ACER3: variants seen among roughly 807,000 people sequenced by gnomAD.
ACER3 encodes alkCDase 3.
In ACER3, 16 loss-of-function variants were observed where a neutral mutation model predicts 48.9. The ratio of observed to expected loss-of-function variants is 0.33; its 90% CI spans 0.22 to 0.50. The LOEUF (loss-of-function observed/expected upper bound fraction) is 0.50. Ranked by LOEUF, ACER3 falls within the 20% of genes least tolerant of loss-of-function variation. The probability of loss-of-function intolerance (pLI) is 0.98; values close to 1 mark genes in which losing one functional copy is unlikely to be tolerated. For synonymous variants in ACER3, 109 were observed against 107.8 expected (o/e 1.01, Z -0.07); for missense variants, 227 against 326.0 (o/e 0.70, Z 2.34).
At chr11:77,005,959 TTA>T (rs1189084139) in intron 7 of ACER3, among the ~76,000 whole-genome samples, 2 of 102,420 alleles carry the variant, frequency 2.0e-5, no homozygotes, top group East Asian at 3.2e-4. Flanking sequence ...TATATGTATA[TTA>T]TATATATATA....
At chr11:76,876,229 A>C (rs1445423278) in intron 1 of ACER3, among the ~76,000 whole-genome samples, 1 of 150,520 alleles carries the variant, frequency 6.6e-6, no homozygotes, top group Non-Finnish European at 1.5e-5. Context: ...GTTAATCCCC[A>C]CCTCCATCTT....
intron 1 of ACER3, among the ~76,000 whole-genome samples, chr11:76,913,402 C>T (rs1590922704): frequency 6.6e-6 from 1 of 152,274 alleles, no homozygotes; most frequent in South Asian, 2.1e-4. Context: ...ACTTCCAACA[C>T]TATGTTGAAT....
intron 1 of ACER3, among the ~76,000 whole-genome samples, chr11:76,913,563 A>T (rs1032578698): frequency 1.3e-5 from 2 of 152,188 alleles, no homozygotes; most frequent in African/African-American, 4.8e-5. Context: ...TAATTTACAA[A>T]TGGAAGAACA....
At chr11:76,998,607 G>A (rs1177541852) in intron 6 of ACER3, 156 bp from the exon 7 acceptor site, 7 of 557,714 alleles carry the variant, frequency 1.3e-5, no homozygotes, top group Non-Finnish European at 2.1e-5. Flanking sequence ...GCATGATTTA[G>A]TGATTTAACA....
intron 1 of ACER3, among the ~76,000 whole-genome samples, chr11:76,878,309 T>C (rs1945436245): frequency 6.6e-6 from 1 of 151,972 alleles, no homozygotes; most frequent in African/African-American, 2.4e-5. Flanking sequence ...ACTTTTGCAA[T>C]GACCTAATAG....
chr11:76,934,749 C>T (rs551456325), intron 2 of ACER3, among the ~76,000 whole-genome samples: 14 of 142,178 alleles, frequency 9.8e-5, no homozygotes, highest in African/African-American at 3.8e-4. Context: ...AGAGGGAGAC[C>T]GTGGGGAGAC....
Position 77,015,011 on chromosome 11 carries a change from C to G in ACER3, c.498-5C>G, listed in dbSNP as rs782360953. 1.1e-5 allele frequency: 17 copies of G among 1,552,434 alleles called. No homozygotes were observed. The highest frequency in any genetic ancestry group is 7.9e-5 in the South Asian group (7 of 88,680). On this transcript the variant is annotated splice_polypyrimidine_tract_variant and splice_region_variant and intron_variant, in intron 7 of 10. Transcript: ENST00000532485. ...TATTTTGCTTTTCTGTTTTCCCCCC[C>G]ACAGGGTTTATCCATGGCTTAGAGG...
At chr11:76,994,203 C>T (rs1175044552) in intron 6 of ACER3, 2 of 453,046 alleles carry the variant, frequency 4.4e-6, no homozygotes, top group Non-Finnish European at 8.8e-6. Flanking sequence ...ACAATCTCGG[C>T]TCATTGGAAC....
rs553332312 is a variant in ACER3 at position 76,900,294 on chromosome 11, G to A, written c.104-26263G>A. Among the ~76,000 whole-genome samples, 398 of 152,304 alleles carry A rather than the reference G, an allele frequency of 2.6e-3. 2 individuals are homozygous for A. Among genetic ancestry groups the A allele is most frequent in the Middle Eastern group, 6.8e-3 (2 of 294 alleles). ...GAGGAGGGGCTGGTCCTGTCTCAGG[G>A]GTGGCAGAGGCAGAAGAGGTGGAGA... On this transcript the variant is annotated intron_variant, in intron 1 of 10. Coordinates refer to ENST00000532485, the MANE Select transcript of ACER3 (RefSeq NM_018367.7).
intron 3 of ACER3, among the ~76,000 whole-genome samples, chr11:76,967,605 G>A (rs1441589768): frequency 1.3e-5 from 2 of 152,120 alleles, no homozygotes; most frequent in Non-Finnish European, 2.9e-5. Context: ...GATCAAGTGG[G>A]CTTCATCCCT....
intron 1 of ACER3, among the ~76,000 whole-genome samples, chr11:76,912,450 T>G (rs542829251): frequency 5.3e-5 from 8 of 152,320 alleles, no homozygotes; most frequent in African/African-American, 1.9e-4. Flanking sequence ...TTCATAATAT[T>G]GCTTTTTTCT....
intron 7 of ACER3, among the ~76,000 whole-genome samples, chr11:77,005,848 AC>A (rs1555020799): frequency 6.6e-6 from 1 of 150,500 alleles, no homozygotes; most frequent in African/African-American, 2.4e-5. Flanking sequence ...TGAGTGAGGT[AC>A]TAGAGTTATG....
intron 1 of ACER3, chr11:76,868,186 T>G: frequency 2.3e-6 from 3 of 1,289,828 alleles, no homozygotes; most frequent in Non-Finnish European, 2.0e-6. Flanking sequence ...GCTTCTTTTT[T>G]GGTCTTGGGA....
At chr11:76,871,419 G>GTA (rs1295436902) in intron 1 of ACER3, among the ~76,000 whole-genome samples, 5 of 152,172 alleles carry the variant, frequency 3.3e-5, no homozygotes, top group African/African-American at 4.8e-5. Flanking sequence ...TACATGTAAG[G>GTA]TATACATTGG....
At chr11:76,903,555 A>G (rs1946139565) in intron 1 of ACER3, among the ~76,000 whole-genome samples, 1 of 150,926 alleles carries the variant, frequency 6.6e-6, no homozygotes, top group Non-Finnish European at 1.5e-5. Context: ...GAGAGGTCTG[A>G]CATGTCTGCT....
intron 4 of ACER3, among the ~76,000 whole-genome samples, chr11:76,981,334 A>T (rs1459295030): frequency 2.6e-5 from 4 of 152,222 alleles, no homozygotes; most frequent in African/African-American, 9.6e-5. Flanking sequence ...AGTGACACTT[A>T]GAAGGAAATG....
intron 7 of ACER3, among the ~76,000 whole-genome samples, chr11:77,013,432 G>T (rs1949307618): frequency 6.6e-6 from 1 of 152,152 alleles, no homozygotes; most frequent in African/African-American, 2.4e-5. Flanking sequence ...AAACAATAAT[G>T]TATCAAAGAA....
Position 77,023,589 on chromosome 11 carries a change from T to C in ACER3, c.*3262T>C, listed in dbSNP as rs552785669. The stretch of plus-strand genomic sequence containing the variant: ...GGCCCTGTGGTTTATGACGTGCTGC[T>C]GGATAAGCATTTATGTAAAACTGAG... On this transcript the variant is annotated 3_prime_UTR_variant, in exon 11 of 11. Coordinates refer to ENST00000532485, the MANE Select transcript of ACER3 (RefSeq NM_018367.7). The C allele has an allele frequency of 1.2e-3, 204 of 176,564 alleles. No individual in the cohort carries two copies. Among genetic ancestry groups the C allele is most frequent in the Non-Finnish European group, 3.4e-4 (29 of 84,492 alleles). The allele number at this position is 176,564 out of a possible 1,614,324, so 10.9% of individuals were successfully genotyped here. A position where few individuals can be genotyped will look rare whatever the true frequency, so the allele number is the denominator to read the frequency against.
In ACER3 at chr11:76,912,471, C is replaced by T. The variant is rs1423351421; in HGVS notation, c.104-14086C>T. ...ATATTGCTTTTTTCTGTTGTGAAAA[C>T]CTGAAAATAACATAACTATCTGCCA... On this transcript the variant is annotated intron_variant, in intron 1 of 10. Coordinates refer to ENST00000532485, the MANE Select transcript of ACER3 (RefSeq NM_018367.7). 5.3e-5 allele frequency among the ~76,000 whole-genome samples: 8 copies of T among 151,944 alleles called. No individual in the cohort carries two copies. In the East Asian group the frequency reaches 1.4e-3, roughly 26 times the overall value.
Sources: allele counts gnomAD v4.1 joint callset (sites outside exome capture counted in the v4.1 genomes callset), GRCh38; gene constraint gnomAD v4.1.1; transcripts MANE v1.5; gene names NCBI Gene and HGNC (gene_info 2026-07-23, HGNC 2026-07-21).